The following FGF14 variants were observed in gnomAD, a reference collection of about 807,000 sequenced individuals.
FGF14 encodes the protein fibroblast growth factor 14.
FGF14 carries 5 observed loss-of-function variants against 25.5 expected under a neutral mutation model. The ratio of observed to expected loss-of-function variants is 0.20; its 90% CI spans 0.10 to 0.41. The LOEUF (loss-of-function observed/expected upper bound fraction) is 0.41. Ranked by LOEUF, FGF14 falls within the 10% of genes least tolerant of loss-of-function variation. The pLI, the probability that FGF14 is intolerant of heterozygous loss-of-function variation, is 1.00. For synonymous variants in FGF14, 138 were observed against 118.3 expected, an observed-to-expected ratio of 1.17 and a Z score of -1.08; for missense variants, 222 against 320.1, an observed-to-expected ratio of 0.69 and a Z score of 2.34.
At chr13:102,035,397 C>A (rs984419853) in intron 1 of FGF14, among the ~76,000 whole-genome samples, 1 of 152,020 alleles carries the variant, frequency 6.6e-6, no homozygotes, top group African/African-American at 2.4e-5. Context: ...GCCTCTCAAC[C>A]CTTGCCCTAT....
At chr13:101,951,427 T>C (rs2139392366) in intron 1 of FGF14, among the ~76,000 whole-genome samples, 1 of 152,228 alleles carries the variant, frequency 6.6e-6, no homozygotes, top group South Asian at 2.1e-4. Context: ...TAGAACCAAT[T>C]ATAATCTGTA....
At chr13:102,040,560 C>A (rs1157484827) in intron 1 of FGF14, among the ~76,000 whole-genome samples, 1 of 152,094 alleles carries the variant, frequency 6.6e-6, no homozygotes, top group Non-Finnish European at 1.5e-5. Flanking sequence ...AATCATGTCA[C>A]AAAAATACAG....
At chr13:101,868,699 G>A (rs768508227) in intron 3 of FGF14, 26 bp downstream of exon 3, 2 of 1,355,586 alleles carry the variant, frequency 1.5e-6, no homozygotes, top group Middle Eastern at 1.8e-4. Context: ...TGAACGAATG[G>A]CCGAGATCTT....
chr13:102,111,457 G>A (rs1479991197), intron 1 of FGF14, among the ~76,000 whole-genome samples: 42 of 152,206 alleles, frequency 2.8e-4, no homozygotes, highest in Non-Finnish European at 1.5e-5. Context: ...GCTCATGCCT[G>A]TAATCCCAAC....
rs550680103 is a variant in FGF14, at chr13:101,916,640, G to T, written c.6C>A (p.Ala2=). Residue 2 remains alanine, a synonymous_variant, in exon 1 of 5, where the codon GCC becomes GCA. Transcript: ENST00000376143. The part of the protein sequence containing the change: M[A]AAIASGLIRQ... The stretch of plus-strand genomic sequence containing the variant: ...GGATCAAGCCGCTAGCGATGGCCGC[G>T]GCCATGGTGGCCCCGGGAACGGGTC... 1.3e-6 allele frequency: 2 copies of T among 1,558,652 alleles called. No homozygotes were observed. The highest frequency in any genetic ancestry group is 2.4e-5 in the East Asian group (1 of 41,908).
At chr13:102,367,683 G>A (rs1427258192) in intron 1 of FGF14, 1 of 152,236 alleles carries the variant, frequency 6.6e-6, no homozygotes, top group Non-Finnish European at 1.5e-5. Flanking sequence ...TCTTTGGACT[G>A]AGAGAGATCT....
At chr13:102,073,506 GGGATCCTGT>G (rs2043233355) in intron 1 of FGF14, among the ~76,000 whole-genome samples, 1 of 152,102 alleles carries the variant, frequency 6.6e-6, no homozygotes, top group African/African-American at 2.4e-5. Context: ...ATGTATAATT[GGGATCCTGT>G]GCCAAGAAAG....
intron 3 of FGF14, among the ~76,000 whole-genome samples, chr13:101,750,490 G>A (rs1200270604): frequency 6.6e-6 from 1 of 152,136 alleles, no homozygotes; most frequent in African/African-American, 2.4e-5. Context: ...TTCCAATTTT[G>A]AGGGATGAAT....
intron 1 of FGF14, among the ~76,000 whole-genome samples, chr13:102,355,130 A>T (rs2057386281): frequency 6.6e-6 from 1 of 152,166 alleles, no homozygotes. Context: ...GTACCCAATG[A>T]ATGTTTGTTG....
rs553695086 is a variant in FGF14, at chr13:101,819,639, G to A, written c.408+49086C>T. On this transcript the variant is annotated intron_variant, in intron 3 of 4. Coordinates refer to ENST00000376143, the MANE Select transcript of FGF14 (RefSeq NM_004115.4). ...CTTCAAAATAACTGCATCAGCAATCGTCAGCTTAGTTTTATTTCCAGCATC... is the reference window on the plus strand; with the variant it reads ...CTTCAAAATAACTGCATCAGCAATCATCAGCTTAGTTTTATTTCCAGCATC... Among the ~76,000 whole-genome samples, 9 of 152,244 alleles carry A rather than the reference G, an allele frequency of 5.9e-5. No individual in the cohort carries two copies. The East Asian group carries it at 7.7e-4, about 13-fold the overall frequency.
In FGF14 at chr13:102,077,350, G is replaced by A. The variant is rs137945154; in HGVS notation, c.209-202054C>T. On this transcript the variant is annotated intron_variant, in intron 1 of 4. Coordinates refer to the FGF14 transcript ENST00000376131. ...ACAGTAAGGGAACAATCAACAGAGT[G>A]AAGAGACAGTCTGTGAAATGGGAGA... Among the ~76,000 whole-genome samples the A allele has an allele frequency of 3.3e-3, 509 of 152,250 alleles. 4 individuals are homozygous for A. Among genetic ancestry groups the A allele is most frequent in the African/African-American group, 0.012 (482 of 41,564 alleles).
At chr13:101,926,310 G>T (rs756864988) in intron 1 of FGF14, among the ~76,000 whole-genome samples, 1 of 152,084 alleles carries the variant, frequency 6.6e-6, no homozygotes, top group Non-Finnish European at 1.5e-5. Context: ...ATGAGAGTCC[G>T]GTTTCCTACC....
chr13:101,829,124 A>G (rs2042549175), intron 3 of FGF14, among the ~76,000 whole-genome samples: 1 of 152,130 alleles, frequency 6.6e-6, no homozygotes, highest in South Asian at 2.1e-4. Context: ...ATAAAGAAAA[A>G]GCAAAGTCAA....
At chr13:101,922,085 G>A (rs1017306913) in intron 1 of FGF14, among the ~76,000 whole-genome samples, 1 of 152,132 alleles carries the variant, frequency 6.6e-6, no homozygotes, top group Non-Finnish European at 1.5e-5. Context: ...CAGGCAAGTA[G>A]GTGCTCAATA....
At chr13:101,974,871 C>CAGAAATA (rs1435284501) in intron 1 of FGF14, among the ~76,000 whole-genome samples, 1 of 152,054 alleles carries the variant, frequency 6.6e-6, no homozygotes, top group Non-Finnish European at 1.5e-5. Context: ...AGGCCCAGAT[C>CAGAAATA]AGAAATAAGA....
chr13:102,152,293 A>G (rs1473979418), intron 1 of FGF14, among the ~76,000 whole-genome samples: 1 of 152,232 alleles, frequency 6.6e-6, no homozygotes, highest in Admixed American at 6.5e-5. Flanking sequence ...TAGGGTTCCC[A>G]TAACAAAGTA....
intron 3 of FGF14, among the ~76,000 whole-genome samples, chr13:101,757,491 T>A (rs2037740910): frequency 6.6e-6 from 1 of 152,216 alleles, no homozygotes. Context: ...TAATAGATTA[T>A]TTAGAAATTG....
intron 1 of FGF14, among the ~76,000 whole-genome samples, chr13:101,936,555 G>A (rs77201731): frequency 6.6e-6 from 1 of 152,114 alleles, no homozygotes; most frequent in Non-Finnish European, 1.5e-5. Flanking sequence ...CAGTTTGTGG[G>A]GATCACGGGA....
chr13:102,394,012 T>C (rs1192503878), intron 1 of FGF14, among the ~76,000 whole-genome samples: 1 of 152,180 alleles, frequency 6.6e-6, no homozygotes, highest in African/African-American at 2.4e-5. Flanking sequence ...CCTAGAATAT[T>C]AGAGCTGGGG....
Sources: gnomAD v4.1 joint callset for allele counts (sites outside exome capture counted in the v4.1 genomes callset) on GRCh38, gnomAD v4.1.1 for gene constraint, MANE v1.5 for transcripts, NCBI Gene and HGNC (gene_info 2026-07-23, HGNC 2026-07-21) for gene names.